Variants in RBFOX1 observed in about 807,000 individuals in gnomAD.
RBFOX1 encodes RNA binding protein fox-1 homolog 1.
Under a neutral mutation model 57.7 loss-of-function variants are expected in RBFOX1, and 8 were observed. That is an observed-to-expected ratio of 0.14 (90% CI 0.08 to 0.25). The LOEUF (loss-of-function observed/expected upper bound fraction) is 0.25. Among genes scored for constraint, RBFOX1 ranks in the 10% least tolerant of loss-of-function variants. The pLI, the probability that RBFOX1 is intolerant of heterozygous loss-of-function variation, is 1.00. For synonymous variants in RBFOX1, 326 were observed against 222.4 expected (o/e 1.47, Z -4.15); for missense variants, 611 against 548.5 (o/e 1.11, Z -1.14).
intron 2 of RBFOX1, among the ~76,000 whole-genome samples, chr16:6,641,763 AAAAAAAAAAAAAAAAT>A (rs1284018097): frequency 1.2e-3 from 26 of 22,544 alleles, no homozygotes; most frequent in African/African-American, 3.3e-3. Flanking sequence ...AAAAAAAAAA[AAAAAAAAAAAAAAAAT>A]AGGTTCTGCC....
intron 2 of RBFOX1, among the ~76,000 whole-genome samples, chr16:5,534,411 G>C (rs897355568): frequency 1.3e-5 from 2 of 152,160 alleles, no homozygotes; most frequent in East Asian, 3.8e-4. Flanking sequence ...TCCGAGTCCA[G>C]ATGCCTCAAA....
At chr16:6,780,017 T>A (rs865819609) in intron 3 of RBFOX1, among the ~76,000 whole-genome samples, 13 of 22,256 alleles carry the variant, frequency 5.8e-4, no homozygotes, top group Admixed American at 1.9e-3. Flanking sequence ...TTATATATAT[T>A]TATATATTTA....
intron 3 of RBFOX1, among the ~76,000 whole-genome samples, chr16:6,961,630 A>AT (rs1417490584): frequency 6.6e-6 from 1 of 152,138 alleles, no homozygotes; most frequent in Non-Finnish European, 1.5e-5. Flanking sequence ...TTATTTCTTG[A>AT]TTATATGCTA....
chr16:5,838,204 C>G (rs531917359), intron 3 of RBFOX1: 1 of 183,474 alleles, frequency 5.5e-6, no homozygotes, highest in Admixed American at 6.1e-5. Context: ...CACATTACCA[C>G]ACATTACGTA....
chr16:5,534,322 T>G (rs911323008), intron 2 of RBFOX1, among the ~76,000 whole-genome samples: 1 of 152,150 alleles, frequency 6.6e-6, no homozygotes, highest in Non-Finnish European at 1.5e-5. Flanking sequence ...TTAAGGAGAA[T>G]TGACTCATAC....
intron 2 of RBFOX1, among the ~76,000 whole-genome samples, chr16:5,473,815 T>G (rs2069223776): frequency 7.3e-6 from 1 of 136,360 alleles, no homozygotes. Flanking sequence ...GGTGGGTGGG[T>G]GGAAGGATAG....
intron 4 of RBFOX1, among the ~76,000 whole-genome samples, chr16:5,892,779 C>A (rs1207991530): frequency 6.6e-6 from 1 of 152,106 alleles, no homozygotes; most frequent in Non-Finnish European, 1.5e-5. Context: ...ACAGCATGTG[C>A]AAAGGCCAAG....
intron 4 of RBFOX1, among the ~76,000 whole-genome samples, chr16:7,138,862 G>C (rs1367977501): frequency 1.3e-5 from 2 of 152,170 alleles, no homozygotes; most frequent in Admixed American, 6.5e-5. Flanking sequence ...AGCCTGGAGT[G>C]CAATGGTGTG....
chr16:5,379,540 G>A (rs1376348715), intron 1 of RBFOX1, among the ~76,000 whole-genome samples: 1 of 152,182 alleles, frequency 6.6e-6, no homozygotes, highest in East Asian at 1.9e-4. Context: ...AAGCACAGTA[G>A]CCTGGGAGTC....
At chr16:7,392,127 G>A (rs1203459730) in intron 4 of RBFOX1, among the ~76,000 whole-genome samples, 1 of 152,160 alleles carries the variant, frequency 6.6e-6, no homozygotes, top group African/African-American at 2.4e-5. Flanking sequence ...TGCAGATTCT[G>A]TACACGCTTT....
In RBFOX1 at chr16:7,531,016, C is replaced by T. The variant is rs567709883; in HGVS notation, c.270+12627C>T. On this transcript the variant is annotated intron_variant, in intron 5 of 15. Transcript: ENST00000550418. ...AAGTTCCACGGGCAAGTTCTTTCAGCAGTAAACCAAGGTTTTCAGCCTGTA... is the reference window on the plus strand; with the variant it reads ...AAGTTCCACGGGCAAGTTCTTTCAGTAGTAAACCAAGGTTTTCAGCCTGTA... 5.9e-5 allele frequency among the ~76,000 whole-genome samples: 9 copies of T among 152,284 alleles called. No homozygotes were observed. In the South Asian group the frequency reaches 1.7e-3, roughly 28 times the overall value.
At chr16:6,614,212 G>A (rs988616965) in intron 2 of RBFOX1, among the ~76,000 whole-genome samples, 1 of 152,128 alleles carries the variant, frequency 6.6e-6, no homozygotes, top group South Asian at 2.1e-4. Context: ...AAATTCTGAT[G>A]CATTTCATAC....
chr16:5,917,680 C>G (rs1366709838), intron 4 of RBFOX1, among the ~76,000 whole-genome samples: 1 of 152,162 alleles, frequency 6.6e-6, no homozygotes, highest in East Asian at 1.9e-4. Flanking sequence ...CCAGTCCATG[C>G]CGCCATCCAC....
At chr16:6,256,578 G>A (rs139968052) in intron 1 of RBFOX1, among the ~76,000 whole-genome samples, 438 of 151,992 alleles carry the variant, frequency 2.9e-3, no homozygotes, top group Non-Finnish European at 4.6e-3. Context: ...CGATTAAACC[G>A]ATATAATCAA....
At chr16:6,260,187 G>C (rs1033401595) in intron 1 of RBFOX1, among the ~76,000 whole-genome samples, 8 of 152,220 alleles carry the variant, frequency 5.3e-5, no homozygotes, top group Admixed American at 5.2e-4. Context: ...AAATAATTCT[G>C]TACTTTACAT....
At chr16:7,533,259 C>T (rs1486456298) in intron 5 of RBFOX1, among the ~76,000 whole-genome samples, 1 of 152,130 alleles carries the variant, frequency 6.6e-6, no homozygotes, top group Admixed American at 6.5e-5. Flanking sequence ...AAATTCTTTC[C>T]ATCAAACTGG....
chr16:6,075,744 A>G (rs1029628544), intron 1 of RBFOX1, among the ~76,000 whole-genome samples: 1 of 152,228 alleles, frequency 6.6e-6, no homozygotes, highest in Non-Finnish European at 1.5e-5. Flanking sequence ...TCAAAGTCCC[A>G]GAAGGAACTT....
At chr16:5,634,397 G>C (rs1264133384) in intron 3 of RBFOX1, among the ~76,000 whole-genome samples, 4 of 152,262 alleles carry the variant, frequency 2.6e-5, no homozygotes, top group East Asian at 1.9e-4. Flanking sequence ...GACAAAAATA[G>C]GGACAATTTA....
chr16:5,815,636 G>C (rs552622362), intron 3 of RBFOX1, among the ~76,000 whole-genome samples: 2 of 152,300 alleles, frequency 1.3e-5, no homozygotes, highest in South Asian at 2.1e-4. Flanking sequence ...CAGAGGCAGA[G>C]AGAATCATTT....
Sources: gnomAD v4.1 joint callset for allele counts (sites outside exome capture counted in the v4.1 genomes callset) on GRCh38, gnomAD v4.1.1 for gene constraint, MANE v1.5 for transcripts, NCBI Gene and HGNC (gene_info 2026-07-23, HGNC 2026-07-21) for gene names.